The following VRTN variants were observed in gnomAD, a reference collection of about 807,000 sequenced individuals.
The protein encoded by VRTN is vertnin.
In VRTN, 5 loss-of-function variants were observed where a neutral mutation model predicts 18.2. The ratio of observed to expected loss-of-function variants is 0.27; its 90% CI spans 0.14 to 0.58. VRTN has a LOEUF of 0.58. Ranked by LOEUF, VRTN falls within the 20% of genes least tolerant of loss-of-function variation. The pLI is 0.91. For synonymous variants in VRTN, 381 were observed against 393.7 expected (o/e 0.97, Z 0.38); for missense variants, 741 against 939.4 (o/e 0.79, Z 2.76).
chr14:74,334,441 C>T (rs1350063618), intron 1 of VRTN, among the ~76,000 whole-genome samples: 2 of 151,962 alleles, frequency 1.3e-5, no homozygotes, highest in African/African-American at 4.8e-5. Context: ...GAGGTGGGAG[C>T]ATCAATTGAG....
In VRTN at chr14:74,342,404, G is replaced by A. The variant is rs531651654; in HGVS notation, c.-2+4520G>A. ...CCTACATTTATTTCTGAGGGCTTGTGCAAAATAAAACTATACATGTATGTG... is the reference window on the plus strand; with the variant it reads ...CCTACATTTATTTCTGAGGGCTTGTACAAAATAAAACTATACATGTATGTG... On this transcript the variant is annotated intron_variant, in intron 2 of 2. Coordinates refer to the VRTN transcript ENST00000557177. Among the ~76,000 whole-genome samples, 3 of 152,170 alleles carry A rather than the reference G, an allele frequency of 2.0e-5. No homozygotes were observed. The East Asian group carries it at 5.8e-4, about 29-fold the overall frequency.
At chr14:74,348,870 C>T (rs1266699580) in intron 1 of VRTN, among the ~76,000 whole-genome samples, 1 of 135,256 alleles carries the variant, frequency 7.4e-6, no homozygotes, top group African/African-American at 2.8e-5. Context: ...CCCACCTCCA[C>T]CTCCAGCCCT....
chr14:74,331,544 T>A (rs5025665), intron 1 of VRTN, among the ~76,000 whole-genome samples: 1,286 of 43,102 alleles, frequency 0.03, 67 homozygotes, highest in East Asian at 0.059. Flanking sequence ...AAAAAAAATT[T>A]TATATATATA....
chr14:74,345,508 T>C (rs1175085684), upstream of VRTN, among the ~76,000 whole-genome samples: 3 of 151,634 alleles, frequency 2.0e-5, no homozygotes, highest in African/African-American at 7.3e-5. Flanking sequence ...CCTGCCACCA[T>C]GCCCGGCTAA....
rs1269455362 is a variant in VRTN at position 74,359,540 on chromosome 14, A to G, written c.*648A>G. 1 of 166,984 alleles carries G rather than the reference A, an allele frequency of 6.0e-6. No homozygotes were observed. The allele number at this position is 166,984 out of a possible 1,614,324, so 10.3% of individuals were successfully genotyped here. On this transcript the variant is annotated 3_prime_UTR_variant, in exon 2 of 2. Coordinates refer to ENST00000256362, the MANE Select transcript of VRTN (RefSeq NM_018228.3). ...TCTTAGAAAAAAAAAAAGAAAGAAA[A>G]TCAAATGTAGAGCTGATCAGCAGCT...
intron 2 of VRTN, among the ~76,000 whole-genome samples, chr14:74,340,685 G>T (rs1354344163): frequency 1.3e-5 from 2 of 152,218 alleles, no homozygotes; most frequent in African/African-American, 2.4e-5. Flanking sequence ...CTGAATGTAT[G>T]AATAAATGCA....
At chr14:74,314,066 T>C (rs1178644699) in intron 1 of VRTN, among the ~76,000 whole-genome samples, 4 of 152,304 alleles carry the variant, frequency 2.6e-5, no homozygotes, top group Non-Finnish European at 5.9e-5. Flanking sequence ...ATAAGGGTCA[T>C]GGCCACCACT....
intron 1 of VRTN, among the ~76,000 whole-genome samples, chr14:74,325,129 GC>G (rs1034478840): frequency 3.9e-5 from 6 of 152,028 alleles, no homozygotes; most frequent in African/African-American, 1.4e-4. Context: ...ACAATGGAGG[GC>G]CTAATAAAGT....
intron 2 of VRTN, among the ~76,000 whole-genome samples, chr14:74,339,865 C>T (rs1271668062): frequency 6.6e-6 from 1 of 152,096 alleles, no homozygotes; most frequent in African/African-American, 2.4e-5. Flanking sequence ...GTAAGACTAG[C>T]AGTAATTGGA....
At chr14:74,326,739 C>A (rs1003637494) in intron 1 of VRTN, among the ~76,000 whole-genome samples, 10 of 130,018 alleles carry the variant, frequency 7.7e-5, no homozygotes, top group African/African-American at 2.9e-4. Flanking sequence ...AGCCGAGCTC[C>A]ACACCACACC....
chr14:74,356,742 C>T, intron 1 of VRTN, 41 bp from the exon 2 acceptor site: 3 of 1,534,262 alleles, frequency 2.0e-6, no homozygotes, highest in Non-Finnish European at 2.6e-6. Context: ...CATCTGGGCA[C>T]TTCGACCTGA....
chr14:74,347,639 T>C (rs1376679051), upstream of VRTN, among the ~76,000 whole-genome samples: 1 of 152,200 alleles, frequency 6.6e-6, no homozygotes, highest in Non-Finnish European at 1.5e-5. Context: ...GGGGGGAAGC[T>C]GCCACCAAGG....
At chr14:74,307,723 AG>A (rs764285818) in intron 1 of VRTN, among the ~76,000 whole-genome samples, 68 of 152,030 alleles carry the variant, frequency 4.5e-4, no homozygotes, top group Non-Finnish European at 6.5e-4. Flanking sequence ...CTTTTGGATA[AG>A]ATCCAATTTT....
At chr14:74,336,162 C>T (rs556360758) in intron 1 of VRTN, among the ~76,000 whole-genome samples, 1 of 151,742 alleles carries the variant, frequency 6.6e-6, no homozygotes. Flanking sequence ...TAATCCAGCA[C>T]TTTGGGAGGC....
chr14:74,352,184 TA>T (rs2085690377), intron 1 of VRTN, among the ~76,000 whole-genome samples: 2 of 151,456 alleles, frequency 1.3e-5, no homozygotes, highest in African/African-American at 4.8e-5. Flanking sequence ...ATTTATGTTT[TA>T]TTTTTTATTT....
chr14:74,304,370 G>A lies in VRTN; in HGVS notation c.-164+1194G>A, dbSNP rs1237354430. Reference sequence around the variant, plus strand: ...GTGGTTTCTCCATGTTGGTCAGGCTGGTCTCGAACTCCCGACCTCAGGTGA... The same window carrying A: ...GTGGTTTCTCCATGTTGGTCAGGCTAGTCTCGAACTCCCGACCTCAGGTGA... On this transcript the variant is annotated intron_variant, in intron 1 of 2. Coordinates refer to the VRTN transcript ENST00000557177. Among the ~76,000 whole-genome samples, 11 of 152,210 alleles carry A rather than the reference G, an allele frequency of 7.2e-5. No individual in the cohort carries two copies. In the South Asian group the frequency reaches 2.3e-3, roughly 32 times the overall value.
At chr14:74,343,989 G>T (rs1442545163), upstream of VRTN, among the ~76,000 whole-genome samples, 1 of 150,904 alleles carries the variant, frequency 6.6e-6, no homozygotes, top group Non-Finnish European at 1.5e-5. Context: ...TAGATGCGGG[G>T]GTTTCACCAT....
rs56718773 is a variant in VRTN, at chr14:74,328,710, G to A, written c.-163-9013G>A. Reference sequence around the variant, plus strand: ...CATACTGCAGGGTTAAAAAGAGTAAGTTATTGGCCAGGTGCCCTGGCTCAT... The same window carrying A: ...CATACTGCAGGGTTAAAAAGAGTAAATTATTGGCCAGGTGCCCTGGCTCAT... On this transcript the variant is annotated intron_variant, in intron 1 of 2. Transcript: ENST00000557177. Among the ~76,000 whole-genome samples the A allele has an allele frequency of 8.3e-4, 127 of 152,334 alleles. 3 individuals carry two copies. The East Asian group carries it at 0.022, about 27-fold the overall frequency.
intron 1 of VRTN, among the ~76,000 whole-genome samples, chr14:74,310,160 G>A (rs2085378109): frequency 6.6e-6 from 1 of 152,150 alleles, no homozygotes; most frequent in Non-Finnish European, 1.5e-5. Flanking sequence ...CACTTTTGGA[G>A]GCTGAGGCGG....
Sources: gnomAD v4.1 joint callset for allele counts (sites outside exome capture counted in the v4.1 genomes callset) on GRCh38, gnomAD v4.1.1 for gene constraint, MANE v1.5 for transcripts, NCBI Gene and HGNC (gene_info 2026-07-23, HGNC 2026-07-21) for gene names.